GAS2: variants seen among roughly 807,000 people sequenced by gnomAD.
GAS2 encodes growth arrest specific 2.
In GAS2, 20 loss-of-function variants were observed where a neutral mutation model predicts 37.5. That is an observed-to-expected ratio of 0.53 (90% CI 0.37 to 0.77). The LOEUF is 0.77. Ranked by LOEUF, GAS2 falls within the 30% of genes least tolerant of loss-of-function variation. GAS2 has a pLI of 0.00. For missense variants in GAS2, 336 were observed against 373.4 expected (o/e 0.90, Z 0.82); for synonymous variants, 144 against 132.2 (o/e 1.09, Z -0.61).
intron 1 of GAS2, among the ~76,000 whole-genome samples, chr11:22,648,070 G>A (rs1432714628): frequency 1.3e-5 from 2 of 152,190 alleles, no homozygotes; most frequent in African/African-American, 2.4e-5. Context: ...TAACGTTTAA[G>A]TCTTCAATCC....
At chr11:22,688,288 C>T (rs1318846961) in intron 3 of GAS2, 4 of 151,952 alleles carry the variant, frequency 2.6e-5, no homozygotes, top group Non-Finnish European at 4.4e-5. Flanking sequence ...CTTTTCCTTA[C>T]GTGAAAGATA....
At chr11:22,752,249 C>T (rs182944946) in intron 6 of GAS2, among the ~76,000 whole-genome samples, 9 of 152,052 alleles carry the variant, frequency 5.9e-5, no homozygotes, top group African/African-American at 1.7e-4. Context: ...CTTGTTTAAC[C>T]TGGAATCTTC....
chr11:22,743,488 G>C, intron 5 of GAS2, among the ~76,000 whole-genome samples: 1 of 152,060 alleles, frequency 6.6e-6, no homozygotes. Flanking sequence ...ATAGAAATTA[G>C]AATTTCCATT....
chr11:22,701,302 T>TTA (rs1850827263), intron 3 of GAS2, among the ~76,000 whole-genome samples: 1 of 152,150 alleles, frequency 6.6e-6, no homozygotes, highest in Non-Finnish European at 1.5e-5. Flanking sequence ...TGAGTCCTAC[T>TTA]TATATATGTT....
At chr11:22,683,664 TC>T (rs1359945400) in intron 2 of GAS2, among the ~76,000 whole-genome samples, 2 of 103,710 alleles carry the variant, frequency 1.9e-5, no homozygotes, top group Non-Finnish European at 2.5e-5. Flanking sequence ...TAAAATAATT[TC>T]TTTTTTTTTT....
At chr11:22,701,610 C>G (rs1157600413) in intron 3 of GAS2, among the ~76,000 whole-genome samples, 2 of 152,156 alleles carry the variant, frequency 1.3e-5, no homozygotes, top group Non-Finnish European at 1.5e-5. Context: ...AGGTGGACCA[C>G]CTGAGTTCAG....
intron 7 of GAS2, among the ~76,000 whole-genome samples, chr11:22,778,926 G>T (rs1431793137): frequency 6.6e-6 from 1 of 152,046 alleles, no homozygotes; most frequent in Non-Finnish European, 1.5e-5. Context: ...TAAATGAGAA[G>T]GAATGGAAAC....
chr11:22,796,732 A>G (rs966404616), intron 7 of GAS2, among the ~76,000 whole-genome samples: 3 of 152,058 alleles, frequency 2.0e-5, no homozygotes, highest in Non-Finnish European at 4.4e-5. Flanking sequence ...GTGTATCATC[A>G]TCATGGAGTG....
At chr11:22,757,021 T>C (rs747535206) in intron 7 of GAS2, among the ~76,000 whole-genome samples, 10 of 152,172 alleles carry the variant, frequency 6.6e-5, no homozygotes, top group Non-Finnish European at 8.8e-5. Flanking sequence ...CGGGTTGACC[T>C]TTCTCAATTG....
At chr11:22,776,710 T>C (rs1855278325) in intron 7 of GAS2, among the ~76,000 whole-genome samples, 1 of 152,210 alleles carries the variant, frequency 6.6e-6, no homozygotes, top group Non-Finnish European at 1.5e-5. Flanking sequence ...CAACAATTGT[T>C]GCCCTGTAGT....
At chr11:22,780,355 C>T (rs191633586) in intron 7 of GAS2, among the ~76,000 whole-genome samples, 9 of 151,930 alleles carry the variant, frequency 5.9e-5, no homozygotes, top group African/African-American at 1.7e-4. Context: ...ATCAGCCAGA[C>T]GTGGCGGCAT....
chr11:22,690,664 A>G (rs763618851), intron 3 of GAS2, among the ~76,000 whole-genome samples: 1 of 152,200 alleles, frequency 6.6e-6, no homozygotes, highest in East Asian at 1.9e-4. Context: ...AATGAAATGA[A>G]TCTTTCAATA....
chr11:22,677,406 C>T (rs1273255548), intron 2 of GAS2, among the ~76,000 whole-genome samples: 1 of 152,110 alleles, frequency 6.6e-6, no homozygotes, highest in Non-Finnish European at 1.5e-5. Flanking sequence ...TTTCATGAGA[C>T]ATGTTCGGGC....
At chr11:22,652,100 G>A (rs1848783810) in intron 1 of GAS2, among the ~76,000 whole-genome samples, 1 of 152,152 alleles carries the variant, frequency 6.6e-6, no homozygotes, top group South Asian at 2.1e-4. Context: ...GGTTTTTGGT[G>A]TGGATGTCCT....
At position 22,645,582 on chromosome 11, in the gene GAS2, G is replaced by A. The variant is rs147822257; in HGVS notation, c.-21+19769G>A. 4.4e-3 allele frequency among the ~76,000 whole-genome samples: 662 copies of A among 151,668 alleles called. 2 individuals are homozygous for A. Among genetic ancestry groups the A allele is most frequent in the Non-Finnish European group, 7.5e-3 (506 of 67,884 alleles). On this transcript the variant is annotated intron_variant, in intron 1 of 5. Coordinates refer to the GAS2 transcript ENST00000528582. ...TCAGGCTAAATTTGTTTCTTTAGTG[G>A]GAAATATTGAGAAAATTTTCAGAGA...
chr11:22,659,673 A>C (rs951436187), intron 1 of GAS2, among the ~76,000 whole-genome samples: 1 of 151,626 alleles, frequency 6.6e-6, no homozygotes, highest in Non-Finnish European at 1.5e-5. Flanking sequence ...ACAGAAACTT[A>C]TTTCTTTTCA....
At position 22,745,156 on chromosome 11, in the gene GAS2, A is replaced by C. The variant is rs1225588425; in HGVS notation, c.474-3964A>C. 2.6e-5 allele frequency among the ~76,000 whole-genome samples: 4 copies of C among 151,698 alleles called. No homozygotes were observed. In the East Asian group the frequency reaches 7.7e-4, roughly 29 times the overall value. On this transcript the variant is annotated intron_variant, in intron 5 of 7. Transcript: ENST00000454584. ...AAAGAAAGAAAAAAGCCCAAATAGCAAAAGCAATTCTAAGCAAAAAGAACA... is the reference window on the plus strand; with the variant it reads ...AAAGAAAGAAAAAAGCCCAAATAGCCAAAGCAATTCTAAGCAAAAAGAACA...
At chr11:22,702,433 T>A (rs1339451059) in intron 3 of GAS2, 1 of 152,172 alleles carries the variant, frequency 6.6e-6, no homozygotes, top group Non-Finnish European at 1.5e-5. Flanking sequence ...CCTTATGTAT[T>A]TAAAAATCTT....
chr11:22,678,029 T>G (rs1849513589), intron 2 of GAS2, among the ~76,000 whole-genome samples: 1 of 152,136 alleles, frequency 6.6e-6, no homozygotes, highest in Non-Finnish European at 1.5e-5. Context: ...CAAATGCAAT[T>G]GATGGTTTAT....
Sources: gnomAD v4.1 joint callset for allele counts (sites outside exome capture counted in the v4.1 genomes callset) on GRCh38, gnomAD v4.1.1 for gene constraint, MANE v1.5 for transcripts, NCBI Gene and HGNC (gene_info 2026-07-23, HGNC 2026-07-21) for gene names.